The following GSN variants were observed in gnomAD, a reference collection of about 807,000 sequenced individuals.
The protein encoded by GSN is actin-depolymerizing factor.
Under a neutral mutation model 85.7 loss-of-function variants are expected in GSN, and 56 were observed. The observed-to-expected ratio is 0.65, with a 90% CI of 0.53 to 0.82. The LOEUF (loss-of-function observed/expected upper bound fraction) is 0.82, where lower values mean the gene tolerates loss of function less well. GSN is among the 40% of genes least tolerant of loss of function. GSN has a pLI of 0.00. For missense variants in GSN, 857 were observed against 979.8 expected (o/e 0.87, Z 1.67); for synonymous variants, 373 against 399.1 (o/e 0.93, Z 0.78).
At chr9:121,277,830 A>G (rs1343192701) in intron 1 of GSN, among the ~76,000 whole-genome samples, 1 of 152,192 alleles carries the variant, frequency 6.6e-6, no homozygotes, top group Admixed American at 6.5e-5. Context: ...GATGCAAACT[A>G]CAGTCCTGGG....
At chr9:121,225,935 G>C (rs1315354526) in intron 4 of GSN, among the ~76,000 whole-genome samples, 1 of 152,156 alleles carries the variant, frequency 6.6e-6, no homozygotes. Flanking sequence ...CTCCCAAGTA[G>C]CTGGGACTAC....
rs567029466 is a variant in GSN, at chr9:121,257,706, A to G, written c.-340-7448A>G. Among the ~76,000 whole-genome samples, 53 of 152,310 alleles carry G rather than the reference A, an allele frequency of 3.5e-4. 1 individual carries two copies. The highest frequency in any genetic ancestry group is 9.9e-4 in the African/African-American group (41 of 41,568). On this transcript the variant is annotated intron_variant, in intron 6 of 24. Transcript: ENST00000373823. The stretch of plus-strand genomic sequence containing the variant: ...GCCAACATGGCGAAACCCCATCTCT[A>G]CTAAAGATAGAAAAATTAGGTGGGT...
At chr9:121,287,526 C>A (rs1404141499) in intron 2 of GSN, among the ~76,000 whole-genome samples, 1 of 152,054 alleles carries the variant, frequency 6.6e-6, no homozygotes. Context: ...CTGCTGCACA[C>A]CTGGTCCACA....
At chr9:121,255,418 T>C (rs2054933480) in intron 6 of GSN, among the ~76,000 whole-genome samples, 2 of 152,206 alleles carry the variant, frequency 1.3e-5, no homozygotes, top group Admixed American at 1.3e-4. Flanking sequence ...GTATTTTTTA[T>C]AGAGACGGGA....
chr9:121,308,062 C>G (rs2133360334), intron 4 of GSN, among the ~76,000 whole-genome samples: 2 of 152,204 alleles, frequency 1.3e-5, no homozygotes, highest in East Asian at 3.8e-4. Context: ...TCTTGCTTCC[C>G]AGTTTTGGGC....
chr9:121,323,033 C>G (rs1013868348), intron 11 of GSN, among the ~76,000 whole-genome samples: 29 of 152,004 alleles, frequency 1.9e-4, no homozygotes, highest in African/African-American at 6.5e-4. Context: ...TGGGGCTTTG[C>G]CATGTTGCCC....
At position 121,215,215 on chromosome 9, in the gene GSN, A is replaced by ACC. The variant is rs35261410; in HGVS notation, c.-528+4358_-528+4359dup. Among the ~76,000 whole-genome samples the ACC allele has an allele frequency of 4.1e-3, 537 of 132,320 alleles. 9 individuals carry two copies. The highest frequency in any genetic ancestry group is 6.4e-3 in the Non-Finnish European group (400 of 62,118). 86.8% of individuals were successfully genotyped at this position (132,320 alleles called of 152,430 possible). A position where few individuals can be genotyped will look rare whatever the true frequency, so the allele number is the denominator to read the frequency against. On this transcript the variant is annotated intron_variant, in intron 4 of 24. Transcript: ENST00000373823. Reference sequence around the variant, plus strand: ...GGGCACCAGTCATATTGAATTAAGGACCCCCCCCCCCACACTCATATATGA... The same window carrying ACC: ...GGGCACCAGTCATATTGAATTAAGGACCCCCCCCCCCCCACACTCATATATGA...
intron 4 of GSN, among the ~76,000 whole-genome samples, chr9:121,227,163 G>A (rs888964208): frequency 6.6e-6 from 1 of 152,176 alleles, no homozygotes; most frequent in Non-Finnish European, 1.5e-5. Flanking sequence ...GGAGGCCGAG[G>A]TGGGCGGATC....
chr9:121,292,069 T>A (rs557744128), intron 2 of GSN, among the ~76,000 whole-genome samples: 36 of 152,202 alleles, frequency 2.4e-4, no homozygotes, highest in African/African-American at 7.7e-4. Context: ...GCTAATTTTT[T>A]AATTTTGTGT....
chr9:121,297,406 AC>A (rs768195097), intron 2 of GSN, among the ~76,000 whole-genome samples: 1 of 152,054 alleles, frequency 6.6e-6, no homozygotes, highest in Non-Finnish European at 1.5e-5. Context: ...TATTTTTATC[AC>A]CCCGAAAAGT....
At chr9:121,300,244 G>C in intron 2 of GSN, 4 of 732,630 alleles carry the variant, frequency 5.5e-6, no homozygotes, top group African/African-American at 1.7e-5. Flanking sequence ...CTTTTCCCCT[G>C]TCCTCCTCTA....
intron 2 of GSN, among the ~76,000 whole-genome samples, chr9:121,300,432 T>C (rs1469699300): frequency 6.6e-6 from 1 of 152,180 alleles, no homozygotes; most frequent in Non-Finnish European, 1.5e-5. Context: ...GCCTGTCTGC[T>C]TATGGTCATT....
At chr9:121,271,559 C>T (rs990371235) in intron 1 of GSN, among the ~76,000 whole-genome samples, 3 of 152,090 alleles carry the variant, frequency 2.0e-5, no homozygotes, top group Non-Finnish European at 2.9e-5. Flanking sequence ...AGAGGTCTGA[C>T]GACAGAGCCA....
chr9:121,288,837 A>G (rs972226783), intron 2 of GSN, among the ~76,000 whole-genome samples: 30 of 152,206 alleles, frequency 2.0e-4, no homozygotes, highest in South Asian at 4.1e-4. Context: ...AGAGTCTGTC[A>G]CAAAACAGAC....
intron 1 of GSN, among the ~76,000 whole-genome samples, chr9:121,275,554 C>T (rs1044183453): frequency 1.3e-5 from 2 of 152,154 alleles, no homozygotes; most frequent in East Asian, 1.9e-4. Flanking sequence ...GGAACTGTAT[C>T]GTTCAGAACG....
chr9:121,314,154 A>C, intron 7 of GSN, 131 bp downstream of exon 7: 2 of 745,138 alleles, frequency 2.7e-6, no homozygotes, highest in Non-Finnish European at 4.8e-6. Flanking sequence ...CAGCTTTCTC[A>C]CGTCTCCAGT....
At chr9:121,207,500 GC>G (rs1588391682), upstream of GSN, among the ~76,000 whole-genome samples, 1 of 152,190 alleles carries the variant, frequency 6.6e-6, no homozygotes, top group Admixed American at 6.5e-5. Flanking sequence ...CTCCAAGCCT[GC>G]CCTACAAACA....
intron 11 of GSN, 141 bp downstream of exon 11, chr9:121,321,542 C>T (rs577789122): frequency 5.7e-5 from 40 of 703,946 alleles, no homozygotes; most frequent in Admixed American, 2.5e-4. Flanking sequence ...CAGGGCAACA[C>T]CATTTGCTTA....
chr9:121,302,182 G>T lies in GSN; in HGVS notation c.196+15G>T. 1 of 1,611,686 alleles carries T rather than the reference G, an allele frequency of 6.2e-7. No individual in the cohort carries two copies. Among genetic ancestry groups the T allele is most frequent in the Non-Finnish European group, 8.5e-7 (1 of 1,179,274 alleles). Reference sequence around the variant, plus strand: ...CTACTGGCTGGGTGAGGCTGGCCCTGCCCAGCCCCTGCCCCAGCCCCCATT... The same window carrying T: ...CTACTGGCTGGGTGAGGCTGGCCCTTCCCAGCCCCTGCCCCAGCCCCCATT... On this transcript the variant is annotated intron_variant, in intron 3 of 17. Transcript: ENST00000432226.
Sources: gnomAD v4.1 joint callset for allele counts (sites outside exome capture counted in the v4.1 genomes callset) on GRCh38, gnomAD v4.1.1 for gene constraint, MANE v1.5 for transcripts, NCBI Gene and HGNC (gene_info 2026-07-23, HGNC 2026-07-21) for gene names.